The following SPTA1 variants were observed in gnomAD, a reference collection of about 807,000 sequenced individuals.
SPTA1 encodes spectrin alpha, erythrocytic 1, also known as spectrin alpha chain, erythrocytic 1.
In SPTA1, 177 loss-of-function variants were observed where a neutral mutation model predicts 324.7. The ratio of observed to expected loss-of-function variants is 0.55; its 90% CI spans 0.48 to 0.62. The LOEUF (loss-of-function observed/expected upper bound fraction) is 0.62, where lower values mean the gene tolerates loss of function less well. Ranked by LOEUF, SPTA1 falls within the 20% of genes least tolerant of loss-of-function variation. SPTA1 has a pLI of 0.00. For synonymous variants in SPTA1, 1,195 were observed against 1,041.3 expected (o/e 1.15, Z -2.84); for missense variants, 3,162 against 2,883.6 (o/e 1.10, Z -2.21).
intron 47 of SPTA1, among the ~76,000 whole-genome samples, chr1:158,616,688 G>A (rs1410843257): frequency 6.6e-6 from 1 of 152,122 alleles, no homozygotes; most frequent in East Asian, 1.9e-4. Flanking sequence ...TGGCTATTGT[G>A]AATAGTCTCC....
At chr1:158,617,199 A>G (rs369446897) in intron 47 of SPTA1, among the ~76,000 whole-genome samples, 48 of 152,222 alleles carry the variant, frequency 3.2e-4, no homozygotes, top group African/African-American at 1.1e-3. Flanking sequence ...CTTCATCATC[A>G]TGTTCTAAAT....
At chr1:158,625,759 C>T (rs1412668) in intron 42 of SPTA1, among the ~76,000 whole-genome samples, 1,880 of 151,238 alleles carry the variant, frequency 0.012, 43 homozygotes, top group African/African-American at 0.043. Flanking sequence ...TATTTAAAAT[C>T]GATATGTTAG....
intron 39 of SPTA1, among the ~76,000 whole-genome samples, chr1:158,631,870 T>C (rs1007034012): frequency 6.6e-6 from 1 of 152,190 alleles, no homozygotes; most frequent in African/African-American, 2.4e-5. Flanking sequence ...ACAGCTGTTA[T>C]GGAAAACAAC....
At chr1:158,653,917 C>T (rs981416776) in intron 21 of SPTA1, among the ~76,000 whole-genome samples, 1 of 152,062 alleles carries the variant, frequency 6.6e-6, no homozygotes, top group Non-Finnish European at 1.5e-5. Context: ...CTACCAAAAC[C>T]CTGAGGCTAA....
At position 158,678,402 on chromosome 1, in the gene SPTA1, T is replaced by G; in HGVS notation, c.811A>C (p.Arg271=). Residue 271 remains arginine, a splice_region_variant and synonymous_variant, in exon 6 of 52, where the codon AGG becomes CGG. Coordinates refer to ENST00000643759, the MANE Select transcript of SPTA1 (RefSeq NM_003126.4). ...SNAANLQRFK[R]DVTEAIQWIK... ...ATAAAGCAGTGGCCAGATCCATACC[T>G]TTTGAATCGTTGTAAGTTTGCAGCA... 6.2e-7 allele frequency: 1 copy of G among 1,613,514 alleles called. No homozygotes were observed. Among genetic ancestry groups the G allele is most frequent in the Non-Finnish European group, 8.5e-7 (1 of 1,179,594 alleles).
At chr1:158,636,535 T>G in intron 37 of SPTA1, 106 bp downstream of exon 37, 1 of 1,313,388 alleles carries the variant, frequency 7.6e-7, no homozygotes, top group Non-Finnish European at 1.1e-6. Flanking sequence ...CTCTCTGACC[T>G]TGACATCCTA....
At chr1:158,622,596 A>C (rs1649985946) in intron 43 of SPTA1, 1 of 236,898 alleles carries the variant, frequency 4.2e-6, no homozygotes. Flanking sequence ...AAAGCTTGAT[A>C]TAAGGTGAGA....
rs1651043618 is a variant in SPTA1 at position 158,636,019 on chromosome 1, C to T, written c.5326G>A (p.Ala1776Thr). The T allele has an allele frequency of 1.2e-6, 2 of 1,614,150 alleles. No individual in the cohort carries two copies. The highest frequency in any genetic ancestry group is 1.6e-4 in the Middle Eastern group (1 of 6,062). Residue 1776 changes from alanine to threonine, a missense_variant, in exon 38 of 52, where the codon GCA becomes ACA. Coordinates refer to ENST00000643759, the MANE Select transcript of SPTA1 (RefSeq NM_003126.4). ...GCAGCCTTGTCTTTCAGCTTCTCTG[C>T]CATATCCAGCACATTCTGAAGAACA... is the stretch of plus-strand genomic sequence containing the variant. Reference protein sequence around the residue: ...EPAIQNVLDMAEKLKDKAAVG... With the variant: ...EPAIQNVLDMTEKLKDKAAVG...
At chr1:158,626,054 A>G in intron 42 of SPTA1, 92 bp downstream of exon 42, 1 of 1,217,478 alleles carries the variant, frequency 8.2e-7, no homozygotes, top group Non-Finnish European at 1.2e-6. Flanking sequence ...GCTACAGACA[A>G]TAAAATCCCA....
At chr1:158,669,870 T>G in intron 12 of SPTA1, 84 bp from the exon 13 acceptor site, 1 of 1,324,610 alleles carries the variant, frequency 7.5e-7, no homozygotes, top group South Asian at 1.2e-5. Context: ...TGTTTAAAGA[T>G]GAAGAACAGC....
At chr1:158,638,009 C>T in intron 36 of SPTA1, 24 bp downstream of exon 36, 2 of 1,611,420 alleles carry the variant, frequency 1.2e-6, no homozygotes, top group Non-Finnish European at 1.7e-6. Context: ...ATTATCCACA[C>T]ATTTTTGAGC....
At chr1:158,662,591 G>T (rs962130734) in intron 17 of SPTA1, 111 bp downstream of exon 17, 1 of 1,462,400 alleles carries the variant, frequency 6.8e-7, no homozygotes, top group African/African-American at 1.4e-5. Context: ...AGTGTGAGAA[G>T]AAACAGCTAA....
chr1:158,620,393 T>A lies in SPTA1; in HGVS notation c.6194A>T (p.Asn2065Ile). 1 of 1,613,940 alleles carries A rather than the reference T, an allele frequency of 6.2e-7. No homozygotes were observed. The change falls in exon 44 of 52, where the codon AAC becomes ATC. Residue 2065 changes from asparagine to isoleucine, a missense_variant. By Grantham distance (149) the Asn-to-Ile change is moderately radical (BLOSUM62 -3). Transcript: ENST00000643759. ...GACACAGTGCACAGGCTCTGACAAG[T>A]TTTCTTCCATCTTTTCACACCAGTT... ...LNNWCEKMEE[N>I]LSEPVHCVSL...
intron 46 of SPTA1, 76 bp from the exon 47 acceptor site, chr1:158,617,664 C>A: frequency 7.2e-7 from 1 of 1,390,860 alleles, no homozygotes; most frequent in Non-Finnish European, 1.0e-6. Context: ...CAACTCGAAG[C>A]TCCTCTGTTT....
At chr1:158,632,407 G>T (rs1305087090) in intron 39 of SPTA1, among the ~76,000 whole-genome samples, 1 of 152,112 alleles carries the variant, frequency 6.6e-6, no homozygotes, top group Admixed American at 6.5e-5. Flanking sequence ...TGTTATACAC[G>T]TATAAATGTA....
chr1:158,613,658 C>T, intron 50 of SPTA1, 63 bp downstream of exon 50: 1 of 1,607,046 alleles, frequency 6.2e-7, no homozygotes, highest in South Asian at 1.1e-5. Flanking sequence ...TCATTTTACT[C>T]TCTGTGCTTC....
At chr1:158,680,536 AGG>A in intron 5 of SPTA1, 45 bp downstream of exon 5, 2 of 1,612,442 alleles carry the variant, frequency 1.2e-6, no homozygotes, top group Non-Finnish European at 1.7e-6. Context: ...GTTATTCTTA[AGG>A]ATAAGAACCC....
chr1:158,619,331 G>T lies in SPTA1; in HGVS notation c.6421C>A (p.Arg2141=), dbSNP rs41273519. The T allele has an allele frequency of 2.1e-5, 34 of 1,613,952 alleles. No individual in the cohort carries two copies. The highest frequency in any genetic ancestry group is 2.9e-5 in the Non-Finnish European group (34 of 1,179,908). The change falls in exon 45 of 52, where the codon CGG becomes AGG. Residue 2141 remains arginine, a synonymous_variant. Coordinates refer to ENST00000643759, the MANE Select transcript of SPTA1 (RefSeq NM_003126.4). ...WKHLSDIIEE[R]EQELQKEEAR... ...TCTTCCTTTTGCAGCTCCTGCTCCC[G>T]TTCCTAAAACCCCAAATCACAGACA...
intron 24 of SPTA1, among the ~76,000 whole-genome samples, chr1:158,650,908 T>C (rs1652380703): frequency 6.6e-6 from 1 of 152,204 alleles, no homozygotes; most frequent in Non-Finnish European, 1.5e-5. Context: ...ATATTTGCTT[T>C]CAGATATAGA....
Sources: gnomAD v4.1 joint callset for allele counts (sites outside exome capture counted in the v4.1 genomes callset) on GRCh38, gnomAD v4.1.1 for gene constraint, MANE v1.5 for transcripts, NCBI Gene and HGNC (gene_info 2026-07-23, HGNC 2026-07-21) for gene names.